The following C2 variants were observed in gnomAD, a reference collection of about 807,000 sequenced individuals.
The protein encoded by C2 is complement C2.
In C2, 64 loss-of-function variants were observed where a neutral mutation model predicts 85.2. That is an observed-to-expected ratio of 0.75 (90% CI 0.61 to 0.92). The LOEUF is 0.92. C2 is among the 40% of genes least tolerant of loss of function. The pLI, the probability that C2 is intolerant of heterozygous loss-of-function variation, is 0.00. For synonymous variants in C2, 311 were observed against 370.8 expected (o/e 0.84, Z 1.85); for missense variants, 820 against 971.6 (o/e 0.84, Z 2.07).
chr6:31,921,459 G>A lies in C2; in HGVS notation c.-100+1433G>A, dbSNP rs1420764545. ...GGGGGTGCCAAGAGGAAAGAGCCTA[G>A]GGGAGAGAGGGCTTGGAAATGCAAG... is the stretch of plus-strand genomic sequence containing the variant. On this transcript the variant is annotated intron_variant, in intron 1 of 3. Coordinates refer to the C2 transcript ENST00000413154. The surrounding 1 kb of genome is among the most constrained non-coding windows in gnomAD (Gnocchi z 4.6). Among the ~76,000 whole-genome samples the A allele has an allele frequency of 6.6e-6, 1 of 152,066 alleles. No individual in the cohort carries two copies. Among genetic ancestry groups the A allele is most frequent in the African/African-American group, 2.4e-5 (1 of 41,404 alleles).
chr6:31,911,763 G>A (rs1409107158), intron 1 of C2, among the ~76,000 whole-genome samples: 1 of 151,626 alleles, frequency 6.6e-6, no homozygotes, highest in African/African-American at 2.4e-5. Flanking sequence ...CCAAGTAGCT[G>A]GGACTACAGG....
intron 1 of C2, among the ~76,000 whole-genome samples, chr6:31,902,842 A>C (rs761439238): frequency 6.6e-6 from 1 of 151,628 alleles, no homozygotes; most frequent in African/African-American, 2.4e-5. Flanking sequence ...TGCCCATTTC[A>C]CCTTTAGTAT....
chr6:31,915,733 G>A (rs557895451), upstream of C2, among the ~76,000 whole-genome samples: 7 of 152,358 alleles, frequency 4.6e-5, no homozygotes, highest in African/African-American at 1.7e-4. Flanking sequence ...ACTTGTGCCT[G>A]ACAGTAACAA....
upstream of C2, among the ~76,000 whole-genome samples, chr6:31,917,188 GA>G (rs996509709): frequency 7.6e-5 from 11 of 145,222 alleles, no homozygotes; most frequent in South Asian, 1.9e-3. Flanking sequence ...AAAAAAAAAA[GA>G]AAAAAATTAT....
At chr6:31,932,865 G>C (rs1770020219) in intron 3 of C2, among the ~76,000 whole-genome samples, 1 of 152,282 alleles carries the variant, frequency 6.6e-6, no homozygotes. Context: ...TGCAATCCCA[G>C]CACCTCGGGA....
intron 1 of C2, among the ~76,000 whole-genome samples, chr6:31,903,782 C>T (rs575910797): frequency 1.3e-5 from 2 of 152,182 alleles, no homozygotes; most frequent in South Asian, 2.1e-4. Context: ...GTGGAGGCAG[C>T]GTAGACAGTG....
chr6:31,942,478 C>CTT (rs1244821481), intron 9 of C2, among the ~76,000 whole-genome samples: 1 of 150,976 alleles, frequency 6.6e-6, no homozygotes, highest in Admixed American at 6.6e-5. Flanking sequence ...GTGACACAAG[C>CTT]TAAGGGGTGT....
chr6:31,916,222 C>G (rs1266127171), upstream of C2, among the ~76,000 whole-genome samples: 1 of 152,030 alleles, frequency 6.6e-6, no homozygotes. Context: ...AGAAGCGAGG[C>G]TATAGGGAGT....
intron 3 of C2, among the ~76,000 whole-genome samples, chr6:31,932,057 AG>A (rs1297862706): frequency 2.5e-5 from 3 of 119,642 alleles, no homozygotes; most frequent in Non-Finnish European, 5.3e-5. Context: ...ACTTCCCAGC[AG>A]GGGCGGCCGG....
At chr6:31,902,448 T>A (rs1287873087) in intron 1 of C2, among the ~76,000 whole-genome samples, 2 of 152,038 alleles carry the variant, frequency 1.3e-5, no homozygotes, top group African/African-American at 4.8e-5. Flanking sequence ...TGCCACCTGC[T>A]CCCAGGGGTG....
rs373410228 is a variant in C2, at chr6:31,936,067, G to T, written c.988+6G>T. The T allele has an allele frequency of 7.4e-6, 12 of 1,612,716 alleles. No individual in the cohort carries two copies. Among genetic ancestry groups the T allele is most frequent in the Non-Finnish European group, 9.3e-6 (11 of 1,179,952 alleles). On this transcript the variant is annotated splice_donor_region_variant and intron_variant, in intron 7 of 17. Coordinates refer to ENST00000299367, the MANE Select transcript of C2 (RefSeq NM_000063.6). Reference sequence around the variant, plus strand: ...GGAAAATGCCAACTATAAAGGTACGGGTGTCATCACGTGATGGTGATGAGA... The same window carrying T: ...GGAAAATGCCAACTATAAAGGTACGTGTGTCATCACGTGATGGTGATGAGA...
chr6:31,942,082 C>G (rs1192906783), intron 9 of C2, among the ~76,000 whole-genome samples: 1 of 150,462 alleles, frequency 6.6e-6, no homozygotes, highest in Non-Finnish European at 1.5e-5. Flanking sequence ...TCCCAGAGTG[C>G]TGGGATTACA....
chr6:31,926,634 AT>A (rs755865808), upstream of C2, among the ~76,000 whole-genome samples: 2,727 of 135,828 alleles, frequency 0.02, 34 homozygotes, highest in Middle Eastern at 0.028. Flanking sequence ...GCCCGGTCTT[AT>A]TTTTTTTTTT....
chr6:31,943,126 T>C lies in C2; in HGVS notation c.1360+27T>C. 9 of 1,612,810 alleles carry C rather than the reference T, an allele frequency of 5.6e-6. No homozygotes were observed. Among genetic ancestry groups the C allele is most frequent in the Non-Finnish European group, 7.6e-6 (9 of 1,179,878 alleles). On this transcript the variant is annotated intron_variant, in intron 10 of 17. Transcript: ENST00000299367. The surrounding 1 kb of genome is among the most constrained non-coding windows in gnomAD (Gnocchi z 6.4). The stretch of plus-strand genomic sequence containing the variant: ...TGAGTGAGCTTTGCCCTCCTTGGTG[T>C]GGGGAGGATGGTGAGGAGCCCGCCA...
At chr6:31,899,848 C>T, upstream of C2, 2 of 1,453,312 alleles carry the variant, frequency 1.4e-6, no homozygotes, top group Non-Finnish European at 1.8e-6. Flanking sequence ...CCCCCCACCC[C>T]CCAATTCTCC....
At chr6:31,911,601 G>A (rs1055484920) in intron 1 of C2, among the ~76,000 whole-genome samples, 4 of 151,470 alleles carry the variant, frequency 2.6e-5, no homozygotes, top group Non-Finnish European at 5.9e-5. Context: ...GTAGGTCTGG[G>A]TGGGGCCTGA....
chr6:31,933,320 A>C (rs1704049405), intron 3 of C2, among the ~76,000 whole-genome samples: 1 of 152,258 alleles, frequency 6.6e-6, no homozygotes, highest in African/African-American at 2.4e-5. Context: ...ACAGAGTGCC[A>C]GTCGCTCTGC....
chr6:31,932,537 T>C lies in C2; in HGVS notation c.443-1073T>C, dbSNP rs529698255. On this transcript the variant is annotated intron_variant, in intron 3 of 17. Transcript: ENST00000299367. ...ACGATGGGCGGCAGGGCAGAGACGCTCCTCACTTCCCAGATGTGATGGCGG... is the reference window on the plus strand; with the variant it reads ...ACGATGGGCGGCAGGGCAGAGACGCCCCTCACTTCCCAGATGTGATGGCGG... 9.1e-3 allele frequency: 1,742 copies of C among 191,860 alleles called. 59 individuals carry two copies. The highest frequency in any genetic ancestry group is 0.039 in the African/African-American group (1,477 of 37,410). 11.9% of individuals were successfully genotyped at this position (191,860 alleles called of 1,614,324 possible). A position where few individuals can be genotyped will look rare whatever the true frequency, so the allele number is the denominator to read the frequency against.
intron 6 of C2, chr6:31,934,783 G>C: frequency 5.8e-6 from 4 of 687,508 alleles, no homozygotes; most frequent in Non-Finnish European, 7.4e-6. Flanking sequence ...GCCGAGGCAG[G>C]TGGATCACTT....
Sources: gnomAD v4.1 joint callset for allele counts (sites outside exome capture counted in the v4.1 genomes callset) on GRCh38, gnomAD v4.1.1 for gene constraint, Gnocchi (gnomAD v3.1) non-coding constraint, MANE v1.5 for transcripts, NCBI Gene and HGNC (gene_info 2026-07-23, HGNC 2026-07-21) for gene names.